The following INPP5B variants were observed in gnomAD, a reference collection of about 807,000 sequenced individuals.
INPP5B encodes inositol polyphosphate-5-phosphatase B.
Under a neutral mutation model 118.5 loss-of-function variants are expected in INPP5B, and 90 were observed. The ratio of observed to expected loss-of-function variants is 0.76; its 90% CI spans 0.64 to 0.90. INPP5B has a LOEUF of 0.90. Among genes scored for constraint, INPP5B ranks in the 40% least tolerant of loss-of-function variants. The pLI is 0.00. For missense variants in INPP5B, 984 were observed against 1,125.6 expected (o/e 0.87, Z 1.80); for synonymous variants, 385 against 418.9 (o/e 0.92, Z 0.99).
intron 7 of INPP5B, among the ~76,000 whole-genome samples, chr1:37,903,726 C>CA (rs56197070): frequency 1.1e-3 from 166 of 147,554 alleles, no homozygotes; most frequent in African/African-American, 3.9e-3. Context: ...GACTCCGTCT[C>CA]AAAAAAAAAA....
chr1:37,874,288 T>C (rs898321294), intron 17 of INPP5B, 133 bp from the exon 18 acceptor site: 1 of 585,670 alleles, frequency 1.7e-6, no homozygotes, highest in Admixed American at 3.8e-5. Context: ...TTTAAGTATC[T>C]ACCTGGGAGG....
chr1:37,937,564 C>T (rs1645743097), intron 6 of INPP5B, among the ~76,000 whole-genome samples: 2 of 151,744 alleles, frequency 1.3e-5, no homozygotes, highest in South Asian at 4.2e-4. Flanking sequence ...GTCAGAAGTT[C>T]GAGACCAGCC....
At position 37,885,662 on chromosome 1, in the gene INPP5B, G is replaced by C; in HGVS notation, c.1295C>G (p.Pro432Arg). ...MQFCQPDPSL[P>R]PLTISNHDVI... ...CTCATGGTTGCTGATGGTGAGAGGG[G>C]GAAGGCTTGGGTCAGGCTGACAAAA... The change falls in exon 13 of 24, where the codon CCC (proline) becomes CGC (arginine). Residue 432 changes from proline (P) to arginine (R), a missense_variant. Pro to Arg is a moderately radical substitution (Grantham distance 103, BLOSUM62 -2). Coordinates refer to ENST00000373024, the MANE Select transcript of INPP5B (RefSeq NM_005540.3). The C allele has an allele frequency of 2.5e-6, 4 of 1,613,888 alleles. No individual in the cohort carries two copies. The highest frequency in any genetic ancestry group is 3.4e-6 in the Non-Finnish European group (4 of 1,179,992).
chr1:37,887,231 T>G, intron 11 of INPP5B, 120 bp downstream of exon 11: 1 of 788,648 alleles, frequency 1.3e-6, no homozygotes, highest in African/African-American at 1.7e-5. Flanking sequence ...GATCTGGAAA[T>G]GAAAATTGCG....
intron 7 of INPP5B, chr1:37,930,399 G>C (rs971557246): frequency 6.6e-6 from 1 of 152,236 alleles, no homozygotes; most frequent in African/African-American, 2.4e-5. Context: ...AGAAGACTAA[G>C]GGAATGAAGT....
chr1:37,935,265 C>T (rs936832182), intron 6 of INPP5B, among the ~76,000 whole-genome samples: 1 of 145,692 alleles, frequency 6.9e-6, no homozygotes, highest in African/African-American at 2.5e-5. Context: ...GATCTCGGCT[C>T]ACTGCAACCT....
intron 20 of INPP5B, 61 bp from the exon 21 acceptor site, chr1:37,866,604 T>C (rs1320841848): frequency 3.1e-5 from 32 of 1,021,280 alleles, no homozygotes; most frequent in Non-Finnish European, 4.5e-5. Context: ...AATGATTTCC[T>C]GACCTGGCAA....
At chr1:37,914,332 TTC>T (rs1164924844) in intron 7 of INPP5B, among the ~76,000 whole-genome samples, 2 of 152,226 alleles carry the variant, frequency 1.3e-5, no homozygotes, top group African/African-American at 2.4e-5. Context: ...TCGCTTTGAA[TTC>T]TTTCTTGCTC....
At chr1:37,881,229 T>C (rs553012246) in intron 14 of INPP5B, among the ~76,000 whole-genome samples, 54 of 152,366 alleles carry the variant, frequency 3.5e-4, no homozygotes, top group African/African-American at 1.2e-3. Context: ...TGGGGGAAGC[T>C]CTGTGCCTTG....
At chr1:37,884,442 C>T (rs1643392826) in intron 13 of INPP5B, 1 of 151,920 alleles carries the variant, frequency 6.6e-6, no homozygotes, top group South Asian at 2.1e-4. Context: ...AGAATCACAC[C>T]CAGCTAATTT....
chr1:37,862,229 A>C lies in INPP5B; in HGVS notation c.*86T>G. 8.0e-6 allele frequency: 7 copies of C among 871,550 alleles called. No homozygotes were observed. Among genetic ancestry groups the C allele is most frequent in the Non-Finnish European group, 1.3e-5 (7 of 523,102 alleles). 54.0% of individuals were successfully genotyped at this position (871,550 alleles called of 1,614,324 possible). A position where few individuals can be genotyped will look rare whatever the true frequency, so the allele number is the denominator to read the frequency against. On this transcript the variant is annotated 3_prime_UTR_variant, in exon 24 of 24. Transcript: ENST00000373024. The stretch of plus-strand genomic sequence containing the variant: ...GCCATTCTTGCTACCAAGTGGCCTC[A>C]CATAATTATCTTAAGGCATCTCTTG...
At chr1:37,945,885 G>T in intron 2 of INPP5B, 35 bp from the exon 3 acceptor site, 1 of 1,591,860 alleles carries the variant, frequency 6.3e-7, no homozygotes, top group Non-Finnish European at 8.6e-7. Context: ...CAACCCAGAG[G>T]CGAGGCCTCT....
At chr1:37,887,541 G>A (rs751263285) in intron 10 of INPP5B, 76 bp from the exon 11 acceptor site, 76 of 822,096 alleles carry the variant, frequency 9.2e-5, no homozygotes, top group Middle Eastern at 9.2e-4. Context: ...TGGTTTAGGT[G>A]CATAAGCCCT....
intron 18 of INPP5B, 187 bp from the exon 19 acceptor site, chr1:37,873,352 C>G (rs1642588852): frequency 3.4e-6 from 2 of 591,510 alleles, no homozygotes; most frequent in African/African-American, 1.9e-5. Flanking sequence ...TATAGTCCAA[C>G]TGGGAATATG....
At chr1:37,940,925 C>G (rs1353598913) in intron 5 of INPP5B, 127 bp from the exon 6 acceptor site, 1 of 606,846 alleles carries the variant, frequency 1.6e-6, no homozygotes, top group Non-Finnish European at 3.0e-6. Context: ...AAGCAACTTA[C>G]TTGGGACAGC....
At chr1:37,888,201 T>A (rs1643647455) in intron 10 of INPP5B, 42 bp downstream of exon 10, 3 of 1,270,704 alleles carry the variant, frequency 2.4e-6, no homozygotes, top group Non-Finnish European at 3.2e-6. Flanking sequence ...CACAGCTCTG[T>A]GTGCTTGAAG....
chr1:37,888,491 T>C (rs1643662968), intron 9 of INPP5B, 147 bp from the exon 10 acceptor site: 1 of 485,728 alleles, frequency 2.1e-6, no homozygotes, highest in Non-Finnish European at 3.6e-6. Flanking sequence ...AGACCAGGAC[T>C]GCAGCACCAA....
Position 37,943,913 on chromosome 1 carries a change from G to A in INPP5B, c.153-20C>T. 1.9e-6 allele frequency: 3 copies of A among 1,581,620 alleles called. No individual in the cohort carries two copies. The highest frequency in any genetic ancestry group is 2.7e-5 in the African/African-American group (2 of 74,324). Reference sequence around the variant, plus strand: ...AAGAGACTAAGGGCAGGAAGCAGAGGTGAGGATGGGGGCCCGCTGGCTGTC... The same window carrying A: ...AAGAGACTAAGGGCAGGAAGCAGAGATGAGGATGGGGGCCCGCTGGCTGTC... On this transcript the variant is annotated intron_variant, in intron 3 of 23. Transcript: ENST00000373024.
At chr1:37,878,774 C>T (rs1643001124) in intron 15 of INPP5B, among the ~76,000 whole-genome samples, 2 of 151,738 alleles carry the variant, frequency 1.3e-5, no homozygotes, top group Admixed American at 6.6e-5. Flanking sequence ...CTCAGCCTCC[C>T]GAATAGCTGG....
Sources: allele counts gnomAD v4.1 joint callset (sites outside exome capture counted in the v4.1 genomes callset), GRCh38; gene constraint gnomAD v4.1.1; transcripts MANE v1.5; gene names NCBI Gene and HGNC (gene_info 2026-07-23, HGNC 2026-07-21).